SYT2: variants seen among roughly 807,000 people sequenced by gnomAD.
SYT2 encodes the protein synaptotagmin 2, also known as synaptotagmin-2.
Under a neutral mutation model 39.9 loss-of-function variants are expected in SYT2, and 15 were observed. That is an observed-to-expected ratio of 0.38 (90% CI 0.25 to 0.58). The LOEUF is 0.58. SYT2 is among the 20% of genes least tolerant of loss of function. SYT2 has a pLI of 0.70. For synonymous variants in SYT2, 181 were observed against 204.5 expected (o/e 0.89, Z 0.98); for missense variants, 389 against 530.3 (o/e 0.73, Z 2.62).
At chr1:202,679,630 T>C (rs1653475361) in intron 1 of SYT2, among the ~76,000 whole-genome samples, 1 of 152,102 alleles carries the variant, frequency 6.6e-6, no homozygotes, top group Non-Finnish European at 1.5e-5. Context: ...GATTCCACAA[T>C]TACCTCCTAA....
intron 1 of SYT2, among the ~76,000 whole-genome samples, chr1:202,619,501 C>T (rs1441297873): frequency 6.6e-6 from 1 of 152,178 alleles, no homozygotes; most frequent in East Asian, 1.9e-4. Flanking sequence ...GTCTCTCAGG[C>T]TTGGCCTGCA....
rs6658814 is a variant in SYT2 at position 202,668,840 on chromosome 1, G to A, written c.-18+41418C>T. ...AAGACAGGGTGGCGAGGCACTGACC[G>A]ATGGCCCCTGGGCAACTGGATGACC... is the stretch of plus-strand genomic sequence containing the variant. On this transcript the variant is annotated intron_variant, in intron 1 of 8. Coordinates refer to ENST00000367268, the MANE Select transcript of SYT2 (RefSeq NM_177402.5). Among the ~76,000 whole-genome samples, 1,217 of 152,312 alleles carry A rather than the reference G, an allele frequency of 8.0e-3. 12 individuals are homozygous for A. The highest frequency in any genetic ancestry group is 0.027 in the African/African-American group (1,136 of 41,558).
At chr1:202,618,427 G>A (rs1691111482) in intron 1 of SYT2, among the ~76,000 whole-genome samples, 1 of 134,850 alleles carries the variant, frequency 7.4e-6, no homozygotes, top group Non-Finnish European at 1.7e-5. Context: ...GTGTGTGTGT[G>A]TGTACAGCGA....
At chr1:202,685,135 C>T (rs542907165) in intron 1 of SYT2, among the ~76,000 whole-genome samples, 1 of 152,244 alleles carries the variant, frequency 6.6e-6, no homozygotes, top group South Asian at 2.1e-4. Context: ...GATGAAGTGG[C>T]CACCTGAACA....
intron 1 of SYT2, among the ~76,000 whole-genome samples, chr1:202,665,055 AC>A (rs61677713): frequency 6.7e-4 from 102 of 152,290 alleles, no homozygotes; most frequent in African/African-American, 2.5e-3. Flanking sequence ...TCTATGATGT[AC>A]CTATTTAAGT....
chr1:202,612,481 C>T (rs1690908376), intron 1 of SYT2, among the ~76,000 whole-genome samples: 1 of 152,196 alleles, frequency 6.6e-6, no homozygotes, highest in Admixed American at 6.5e-5. Flanking sequence ...GATCCTCCCA[C>T]CTCAGCCTTC....
intron 1 of SYT2, among the ~76,000 whole-genome samples, chr1:202,625,689 C>T (rs1442096832): frequency 6.6e-6 from 1 of 152,116 alleles, no homozygotes; most frequent in Admixed American, 6.5e-5. Flanking sequence ...CACAGCCGCA[C>T]CCCCGCCAGG....
At chr1:202,696,831 A>G (rs1027566727) in intron 1 of SYT2, among the ~76,000 whole-genome samples, 16 of 152,252 alleles carry the variant, frequency 1.1e-4, no homozygotes, top group Admixed American at 5.9e-4. Context: ...TCTTAGCACT[A>G]TGGAATGTAT....
chr1:202,613,662 G>A lies in SYT2; in HGVS notation c.-17-7873C>T, dbSNP rs192496805. On this transcript the variant is annotated intron_variant, in intron 1 of 8. Transcript: ENST00000367268. Reference sequence around the variant, plus strand: ...TTTTTGTAGATGCCATTTATCAGTTGAGCCTAGCTCCTCCATTCTACCCTT... The same window carrying A: ...TTTTTGTAGATGCCATTTATCAGTTAAGCCTAGCTCCTCCATTCTACCCTT... Among the ~76,000 whole-genome samples, 77 of 152,084 alleles carry A rather than the reference G, an allele frequency of 5.1e-4. 1 individual carries two copies. Among genetic ancestry groups the A allele is most frequent in the African/African-American group, 1.8e-3 (74 of 41,462 alleles).
chr1:202,707,576 T>C (rs1402264861), intron 1 of SYT2, among the ~76,000 whole-genome samples: 1 of 152,200 alleles, frequency 6.6e-6, no homozygotes, highest in African/African-American at 2.4e-5. Context: ...TCCACGAGGA[T>C]GCTTCTGTCC....
At chr1:202,662,732 T>G (rs925938083) in intron 1 of SYT2, among the ~76,000 whole-genome samples, 1 of 152,228 alleles carries the variant, frequency 6.6e-6, no homozygotes, top group African/African-American at 2.4e-5. Context: ...CATCGTTAGC[T>G]AAGCCTTTAC....
At chr1:202,655,473 G>T (rs1357897767) in intron 1 of SYT2, among the ~76,000 whole-genome samples, 2 of 152,104 alleles carry the variant, frequency 1.3e-5, no homozygotes, top group African/African-American at 4.8e-5. Flanking sequence ...AGTCTTCAGG[G>T]ACAAGGGGAC....
chr1:202,609,367 A>G, intron 1 of SYT2, among the ~76,000 whole-genome samples: 1 of 152,214 alleles, frequency 6.6e-6, no homozygotes, highest in South Asian at 2.1e-4. Context: ...ATAATCCTTG[A>G]CTTATAATCC....
At chr1:202,630,740 A>G (rs978206554) in intron 1 of SYT2, among the ~76,000 whole-genome samples, 3 of 152,228 alleles carry the variant, frequency 2.0e-5, no homozygotes, top group Admixed American at 2.0e-4. Context: ...TCCCTGGTCC[A>G]GGACACCAGA....
chr1:202,600,435 CAT>C lies in SYT2; in HGVS notation c.839_840del (p.Tyr280CysfsTer15). 2 of 1,614,208 alleles carry C rather than the reference CAT, an allele frequency of 1.2e-6. No individual in the cohort carries two copies. Among genetic ancestry groups the C allele is most frequent in the Non-Finnish European group, 1.7e-6 (2 of 1,180,028 alleles). ...ACAGTGAGCTTCCCGGCCGTGGGCA[CAT>C]AGCGCAGGGAGGTGCAGATGTCGCC... Reference protein sequence around the residue: ...KLGDICTSLRYVPTAGKLTVC... With the variant: ...KLGDICTSLRXVPTAGKLTVC... On this transcript the variant is annotated frameshift_variant, in exon 7 of 9. Transcript: ENST00000367268. LOFTEE classifies it high-confidence loss of function.
chr1:202,651,392 C>T (rs1572658658), intron 1 of SYT2, among the ~76,000 whole-genome samples: 3 of 152,052 alleles, frequency 2.0e-5, no homozygotes, highest in East Asian at 1.9e-4. Context: ...GCCTGGGACA[C>T]GATCAGTTTG....
chr1:202,690,540 C>T (rs1002033009), intron 1 of SYT2, among the ~76,000 whole-genome samples: 2 of 152,218 alleles, frequency 1.3e-5, no homozygotes, highest in African/African-American at 4.8e-5. Flanking sequence ...ATCAGTGCTG[C>T]ATGAGTCCCT....
chr1:202,604,420 C>T, intron 3 of SYT2, 35 bp downstream of exon 3: 1 of 1,605,728 alleles, frequency 6.2e-7, no homozygotes, highest in Non-Finnish European at 8.5e-7. Context: ...TGGGCTGAGC[C>T]CCTTCCAGTC....
rs1690256801 is a variant in SYT2 at position 202,595,526 on chromosome 1, A to G, written c.*1231T>C. On this transcript the variant is annotated 3_prime_UTR_variant, in exon 9 of 9. Coordinates refer to ENST00000367268, the MANE Select transcript of SYT2 (RefSeq NM_177402.5). ...CCAGTGCTCCCCTATATCTCCTCCC[A>G]AGGGATCTCAGCCATCTGTCCCCCA... 1.3e-5 allele frequency: 2 copies of G among 152,164 alleles called. No homozygotes were observed. The highest frequency in any genetic ancestry group is 2.9e-5 in the Non-Finnish European group (2 of 68,040). The allele number at this position is 152,164 out of a possible 1,614,324, so 9.4% of individuals were successfully genotyped here. A position where few individuals can be genotyped will look rare whatever the true frequency, so the allele number is the denominator to read the frequency against.
Sources: allele counts gnomAD v4.1 joint callset (sites outside exome capture counted in the v4.1 genomes callset), GRCh38; gene constraint gnomAD v4.1.1; transcripts MANE v1.5; gene names NCBI Gene and HGNC (gene_info 2026-07-23, HGNC 2026-07-21).